The following MED15 variants were observed in gnomAD, a reference collection of about 807,000 sequenced individuals.
MED15 encodes the protein mediator complex subunit 15.
In MED15, 41 loss-of-function variants were observed where a neutral mutation model predicts 118.7. That is an observed-to-expected ratio of 0.35 (90% CI 0.27 to 0.45). The LOEUF (loss-of-function observed/expected upper bound fraction) is 0.45, where lower values mean the gene tolerates loss of function less well. Among genes scored for constraint, MED15 ranks in the 20% least tolerant of loss-of-function variants. MED15 has a pLI of 1.00. For missense variants in MED15, 740 were observed against 1,025.5 expected (o/e 0.72, Z 3.80); for synonymous variants, 436 against 413.9 (o/e 1.05, Z -0.65).
In MED15 at chr22:20,585,677, AG is replaced by A. The variant is rs1569256076; in HGVS notation, c.2132-48del. The A allele has an allele frequency of 2.6e-6, 4 of 1,555,138 alleles. No homozygotes were observed. In the African/African-American group the frequency reaches 5.4e-5, roughly 21 times the overall value. Reference sequence around the variant, plus strand: ...CTGTTCCAGAGCAGGGCTGTGAGGCAGGGCAGGCCGGGGCTTGTCCAGGTCA... The same window carrying A: ...CTGTTCCAGAGCAGGGCTGTGAGGCAGGCAGGCCGGGGCTTGTCCAGGTCA... On this transcript the variant is annotated intron_variant, in intron 16 of 17. Coordinates refer to ENST00000263205, the MANE Select transcript of MED15 (RefSeq NM_001003891.3).
chr22:20,585,576 T>G, intron 16 of MED15, 152 bp from the exon 17 acceptor site: 1 of 762,422 alleles, frequency 1.3e-6, no homozygotes, highest in Admixed American at 2.3e-5. Flanking sequence ...GCTTCACGTT[T>G]GGAAATCTGA....
chr22:20,569,512 G>A (rs1219747168), intron 8 of MED15, among the ~76,000 whole-genome samples: 1 of 152,216 alleles, frequency 6.6e-6, no homozygotes, highest in Non-Finnish European at 1.5e-5. Context: ...TTTTCTGCAG[G>A]CCTGCTGGGC....
intron 9 of MED15, among the ~76,000 whole-genome samples, chr22:20,580,202 G>C (rs1215222169): frequency 6.6e-6 from 1 of 152,106 alleles, no homozygotes; most frequent in African/African-American, 2.4e-5. Flanking sequence ...CCTAAGTTCT[G>C]GGTGGGTGCT....
chr22:20,537,509 T>A (rs1251418531), intron 2 of MED15, among the ~76,000 whole-genome samples: 1 of 152,134 alleles, frequency 6.6e-6, no homozygotes, highest in African/African-American at 2.4e-5. Flanking sequence ...GCTGGTCCTG[T>A]GGAAGGGATC....
chr22:20,579,431 G>C (rs1376682547), intron 9 of MED15, among the ~76,000 whole-genome samples: 3 of 152,086 alleles, frequency 2.0e-5, no homozygotes, highest in Non-Finnish European at 4.4e-5. Flanking sequence ...CTGGCTGCCA[G>C]CTGCCAGGGT....
At chr22:20,512,291 G>C (rs2054098646) in intron 1 of MED15, among the ~76,000 whole-genome samples, 1 of 151,944 alleles carries the variant, frequency 6.6e-6, no homozygotes, top group Admixed American at 6.6e-5. Flanking sequence ...CCTGGCCCCT[G>C]AGCTCTTTCT....
chr22:20,535,970 C>T (rs542126964), intron 1 of MED15, among the ~76,000 whole-genome samples: 5 of 148,338 alleles, frequency 3.4e-5, no homozygotes, highest in African/African-American at 1.0e-4. Context: ...CTCCACCTCC[C>T]GGTTCAAGCG....
At chr22:20,559,547 C>G (rs1386133551) in intron 5 of MED15, among the ~76,000 whole-genome samples, 1 of 152,156 alleles carries the variant, frequency 6.6e-6, no homozygotes, top group South Asian at 2.1e-4. Flanking sequence ...CTGGCCCCAA[C>G]CAAGTTAGCC....
chr22:20,535,860 GCTT>G (rs1222120323), intron 1 of MED15, among the ~76,000 whole-genome samples: 2 of 134,222 alleles, frequency 1.5e-5, no homozygotes, highest in Admixed American at 8.1e-5. Flanking sequence ...TGCTCAGCCT[GCTT>G]CTTTCTTTCT....
chr22:20,548,519 A>G (rs1038673962), intron 2 of MED15, among the ~76,000 whole-genome samples: 11 of 151,824 alleles, frequency 7.2e-5, no homozygotes, highest in Non-Finnish European at 1.6e-4. Context: ...TGAAGTGAAA[A>G]CCCATAACAC....
intron 1 of MED15, among the ~76,000 whole-genome samples, chr22:20,521,687 C>G (rs1191741415): frequency 6.9e-6 from 1 of 145,300 alleles, no homozygotes; most frequent in Non-Finnish European, 1.5e-5. Flanking sequence ...TGAGCCACTG[C>G]GCCTGGCCTT....
chr22:20,543,750 A>G (rs1601534903), intron 2 of MED15, among the ~76,000 whole-genome samples: 1 of 142,420 alleles, frequency 7.0e-6, no homozygotes, highest in African/African-American at 2.6e-5. Flanking sequence ...TAAAGATGGG[A>G]TTTCACCATG....
intron 2 of MED15, 97 bp downstream of exon 2, chr22:20,537,301 G>A (rs1284720045): frequency 8.6e-6 from 9 of 1,048,712 alleles, no homozygotes; most frequent in Non-Finnish European, 1.1e-5. Flanking sequence ...CTAGGGTGTA[G>A]GGGTGGGGTG....
At chr22:20,511,939 C>G (rs746481558) in intron 1 of MED15, among the ~76,000 whole-genome samples, 1 of 150,420 alleles carries the variant, frequency 6.6e-6, no homozygotes, top group East Asian at 1.9e-4. Flanking sequence ...TCTCCTACCC[C>G]CACCGTGTTC....
intron 9 of MED15, among the ~76,000 whole-genome samples, chr22:20,581,363 G>A (rs1311070745): frequency 6.6e-6 from 1 of 152,204 alleles, no homozygotes; most frequent in Non-Finnish European, 1.5e-5. Context: ...AAGGAGCTTA[G>A]AAAGCAGCTG....
chr22:20,584,496 G>C (rs2057077192), intron 14 of MED15, 71 bp downstream of exon 14: 1 of 1,532,012 alleles, frequency 6.5e-7, no homozygotes, highest in East Asian at 2.2e-5. Flanking sequence ...GCTGCTGAGA[G>C]GGCCTTCAAG....
Position 20,582,753 on chromosome 22 carries a change from C to T in MED15, c.1409+6C>T. 1 of 1,588,880 alleles carries T rather than the reference C, an allele frequency of 6.3e-7. No individual in the cohort carries two copies. Among genetic ancestry groups the T allele is most frequent in the South Asian group, 1.1e-5 (1 of 89,510 alleles). Reference sequence around the variant, plus strand: ...CAGCCCAACTCCAACGTCAGGTAGGCCTGGCCTGGGGTGCCCCTCCCCACC... The same window carrying T: ...CAGCCCAACTCCAACGTCAGGTAGGTCTGGCCTGGGGTGCCCCTCCCCACC... On this transcript the variant is annotated splice_donor_region_variant and intron_variant, in intron 10 of 17. Transcript: ENST00000263205.
At chr22:20,564,428 G>T (rs1313097948) in intron 5 of MED15, 22 bp from the exon 6 acceptor site, 1 of 1,613,154 alleles carries the variant, frequency 6.2e-7, no homozygotes, top group Non-Finnish European at 8.5e-7. Flanking sequence ...TGGACTGACT[G>T]GCGACTCTGG....
chr22:20,520,693 T>A (rs536848580), intron 1 of MED15, among the ~76,000 whole-genome samples: 1 of 152,314 alleles, frequency 6.6e-6, no homozygotes, highest in South Asian at 2.1e-4. Context: ...CTCTTCTGAC[T>A]TCCATGGCCA....
Sources: allele counts gnomAD v4.1 joint callset (sites outside exome capture counted in the v4.1 genomes callset), GRCh38; gene constraint gnomAD v4.1.1; transcripts MANE v1.5; gene names NCBI Gene and HGNC (gene_info 2026-07-23, HGNC 2026-07-21).